Variants in DMD observed in about 807,000 individuals in gnomAD.
The protein encoded by DMD is mutant dystrophin.
Under a neutral mutation model 330.1 loss-of-function variants are expected in DMD, and 63 were observed. The ratio of observed to expected loss-of-function variants is 0.19; its 90% CI spans 0.16 to 0.24. The LOEUF (loss-of-function observed/expected upper bound fraction) is 0.24. DMD is among the 10% of genes least tolerant of loss of function. DMD has a pLI of 1.00. For synonymous variants in DMD, 1,223 were observed against 959.8 expected (o/e 1.27, Z -5.07); for missense variants, 3,344 against 2,684.1 (o/e 1.25, Z -5.43).
intron 64 of DMD, among the ~76,000 whole-genome samples, chrX:31,213,902 G>C (rs1326035153): frequency 1.8e-5 from 2 of 112,398 alleles, no homozygotes; most frequent in African/African-American, 6.5e-5. Context: ...TGCTCAACAA[G>C]CTACGCTTGG....
intron 44 of DMD, among the ~76,000 whole-genome samples, chrX:32,046,540 C>T (rs989031945): frequency 1.8e-5 from 2 of 111,785 alleles, no homozygotes; most frequent in Non-Finnish European, 3.8e-5. Flanking sequence ...AAGTTAAAAA[C>T]AGGGGAAAAT....
intron 7 of DMD, among the ~76,000 whole-genome samples, chrX:32,737,155 A>T (rs1173997040): frequency 1.8e-5 from 2 of 110,324 alleles, no homozygotes; most frequent in Non-Finnish European, 3.8e-5. Context: ...GGGGACATAA[A>T]ATCTATATAA....
intron 13 of DMD, among the ~76,000 whole-genome samples, chrX:32,575,065 T>A (rs1159069473): frequency 9.1e-6 from 1 of 110,363 alleles, no homozygotes; most frequent in Non-Finnish European, 1.9e-5. Flanking sequence ...GTCTGGCTAA[T>A]TTTTGTATTT....
At chrX:32,190,737 T>A (rs1048607961) in intron 44 of DMD, among the ~76,000 whole-genome samples, 1 of 108,232 alleles carries the variant, frequency 9.2e-6, no homozygotes, top group Non-Finnish European at 1.9e-5. Context: ...ATTCGAAATC[T>A]TCAGGTTTTG....
intron 44 of DMD, among the ~76,000 whole-genome samples, chrX:32,025,679 G>C (rs1040691844): frequency 1.8e-5 from 2 of 111,930 alleles, no homozygotes; most frequent in African/African-American, 6.5e-5. Context: ...ATTCTCTGGA[G>C]GAATTTATTT....
chrX:32,658,759 A>G (rs985728193), intron 9 of DMD, among the ~76,000 whole-genome samples: 1 of 111,279 alleles, frequency 9.0e-6, no homozygotes, highest in African/African-American at 3.3e-5. Context: ...ATTGCTGTAT[A>G]TAACAATGTC....
intron 77 of DMD, among the ~76,000 whole-genome samples, chrX:31,128,296 T>C (rs985684931): frequency 8.9e-6 from 1 of 111,998 alleles, no homozygotes; most frequent in Non-Finnish European, 1.9e-5. Flanking sequence ...CCCAATGCCC[T>C]GTACCGTATA....
chrX:31,610,851 T>TA lies in DMD; in HGVS notation c.8217+16821dup, dbSNP rs1313889344. On this transcript the variant is annotated intron_variant, in intron 55 of 78. Transcript: ENST00000357033. ...CTCTGATGGAGGCATGGACAGTTTT[T>TA]ATGCAAAGGGAAAAACATGAAAATG... Among the ~76,000 whole-genome samples the TA allele has an allele frequency of 4.5e-5, 5 of 111,640 alleles. No homozygotes were observed. In the Admixed American group the frequency reaches 4.8e-4, roughly 11 times the overall value.
At chrX:31,362,153 GTGT>G (rs770454410) in intron 60 of DMD, among the ~76,000 whole-genome samples, 2 of 112,501 alleles carry the variant, frequency 1.8e-5, no homozygotes, top group Non-Finnish European at 3.8e-5. Flanking sequence ...GAATGATTTT[GTGT>G]TGTTTAGATA....
intron 7 of DMD, among the ~76,000 whole-genome samples, chrX:32,752,429 C>T (rs1039029664): frequency 1.8e-4 from 20 of 109,981 alleles, no homozygotes; most frequent in African/African-American, 6.6e-4. Flanking sequence ...TTGTTTTGGA[C>T]AATTTCTCCT....
intron 47 of DMD, among the ~76,000 whole-genome samples, chrX:31,893,675 T>C (rs1157835083): frequency 9.1e-6 from 1 of 109,459 alleles, no homozygotes; most frequent in African/African-American, 3.3e-5. Context: ...GGCAGGGTAA[T>C]CAAGGGAAGG....
intron 55 of DMD, among the ~76,000 whole-genome samples, chrX:31,564,958 T>C (rs2147882930): frequency 8.9e-6 from 1 of 112,465 alleles, no homozygotes; most frequent in South Asian, 3.7e-4. Flanking sequence ...AGTAAGTCAC[T>C]TCAGTTTCTT....
intron 47 of DMD, 72 bp downstream of exon 47, chrX:31,929,524 C>T: frequency 8.6e-7 from 1 of 1,160,548 alleles, no homozygotes; most frequent in Non-Finnish European, 1.2e-6. Context: ...AATGAAGCAC[C>T]CAGGAAACAA....
intron 60 of DMD, among the ~76,000 whole-genome samples, chrX:31,382,170 G>A (rs2060214923): frequency 1.8e-5 from 2 of 111,423 alleles, no homozygotes; most frequent in Admixed American, 9.5e-5. Flanking sequence ...ACCTCACCAA[G>A]CTCAGCCACC....
chrX:32,474,200 TACATACATACACACACACAC>T (rs2040967819), intron 21 of DMD, among the ~76,000 whole-genome samples: 2 of 104,922 alleles, frequency 1.9e-5, no homozygotes, highest in Admixed American at 1.0e-4. Context: ...CATATATACA[TACATACATACACACACACAC>T]ACACACACAC....
chrX:33,221,019 T>A (rs1324897836), intron 1 of DMD, among the ~76,000 whole-genome samples: 1 of 111,959 alleles, frequency 8.9e-6, no homozygotes, highest in East Asian at 2.8e-4. Context: ...AAATTTAAAA[T>A]AAACTTTGAA....
At chrX:33,331,616 C>T (rs982892222) in intron 1 of DMD, among the ~76,000 whole-genome samples, 6 of 111,396 alleles carry the variant, frequency 5.4e-5, no homozygotes, top group Non-Finnish European at 1.1e-4. Context: ...AACATAATGT[C>T]AATATTTCTT....
chrX:33,271,275 T>C (rs1322604550), intron 1 of DMD, among the ~76,000 whole-genome samples: 1 of 111,006 alleles, frequency 9.0e-6, no homozygotes, highest in Non-Finnish European at 1.9e-5. Flanking sequence ...ACTTATTGCC[T>C]ATTATTTAAT....
intron 52 of DMD, among the ~76,000 whole-genome samples, chrX:31,712,066 C>A (rs2084678946): frequency 9.0e-6 from 1 of 111,044 alleles, no homozygotes; most frequent in Non-Finnish European, 1.9e-5. Context: ...TGCTAAAATT[C>A]ATAGAAGAGA....
Sources: gnomAD v4.1 joint callset for allele counts (sites outside exome capture counted in the v4.1 genomes callset) on GRCh38, gnomAD v4.1.1 for gene constraint, MANE v1.5 for transcripts, NCBI Gene and HGNC (gene_info 2026-07-23, HGNC 2026-07-21) for gene names.